The following ST3GAL1 variants were observed in gnomAD, a reference collection of about 807,000 sequenced individuals.
ST3GAL1 encodes the protein ST3 beta-galactoside alpha-2,3-sialyltransferase 1.
In ST3GAL1, 16 loss-of-function variants were observed where a neutral mutation model predicts 34.1. That is an observed-to-expected ratio of 0.47 (90% CI 0.32 to 0.71). The LOEUF is 0.71. ST3GAL1 is among the 30% of genes least tolerant of loss of function. The probability of loss-of-function intolerance (pLI) is 0.04; values close to 1 mark genes in which losing one functional copy is unlikely to be tolerated. For missense variants in ST3GAL1, 353 were observed against 447.4 expected (o/e 0.79, Z 1.90); for synonymous variants, 191 against 184.7 (o/e 1.03, Z -0.28).
Position 133,571,057 on chromosome 8 carries a change from G to A in ST3GAL1, c.-582+636C>T, listed in dbSNP as rs1819552566. Among the ~76,000 whole-genome samples the A allele has an allele frequency of 6.6e-6, 1 of 152,194 alleles. No individual in the cohort carries two copies. The highest frequency in any genetic ancestry group is 2.4e-5 in the African/African-American group (1 of 41,444). On this transcript the variant is annotated intron_variant, in intron 1 of 9. Transcript: ENST00000522652. This position sits in a 1 kb window ranked among gnomAD's most constrained non-coding sequence, Gnocchi z 6.7. ...GTCCCGGGTGTCAACTTCACCCCCA[G>A]ATCCGGAGCAGCGCGCTCTGACGGC...
At chr8:133,528,009 GAA>G (rs34406789) in intron 2 of ST3GAL1, among the ~76,000 whole-genome samples, 3,944 of 140,320 alleles carry the variant, frequency 0.028, 163 homozygotes, top group East Asian at 0.21. Flanking sequence ...CATCTCTACT[GAA>G]AAAAAAAAAA....
intron 5 of ST3GAL1, among the ~76,000 whole-genome samples, chr8:133,472,691 AT>A (rs1816014313): frequency 6.6e-6 from 1 of 152,110 alleles, no homozygotes; most frequent in Admixed American, 6.5e-5. Context: ...CTTTCTGTTG[AT>A]TTCCAGAGGG....
intron 2 of ST3GAL1, among the ~76,000 whole-genome samples, chr8:133,502,530 G>C (rs944838334): frequency 6.6e-6 from 1 of 152,042 alleles, no homozygotes; most frequent in African/African-American, 2.4e-5. Flanking sequence ...CAGAAAGAGA[G>C]CCCTCATCAG....
intron 1 of ST3GAL1, among the ~76,000 whole-genome samples, chr8:133,566,636 G>A (rs987536106): frequency 6.6e-6 from 1 of 152,142 alleles, no homozygotes; most frequent in African/African-American, 2.4e-5. Context: ...GCGTCCCCCT[G>A]AAAACCTGGG....
rs919533034 is a variant in ST3GAL1 at position 133,469,008 on chromosome 8, C to T, written c.307-2918G>A. 1.1e-4 allele frequency among the ~76,000 whole-genome samples: 16 copies of T among 152,152 alleles called. No homozygotes were observed. The highest frequency in any genetic ancestry group is 3.9e-4 in the African/African-American group (16 of 41,414). Reference sequence around the variant, plus strand: ...TCACGCCGCTACTTTGATTTGGGAGCCTGGCACCGTGTATCCATCATGCAG... The same window carrying T: ...TCACGCCGCTACTTTGATTTGGGAGTCTGGCACCGTGTATCCATCATGCAG... On this transcript the variant is annotated intron_variant, in intron 5 of 9. Coordinates refer to ENST00000522652, the MANE Select transcript of ST3GAL1 (RefSeq NM_173344.3). This position sits in a 1 kb window ranked among gnomAD's most constrained non-coding sequence, Gnocchi z 4.3.
At chr8:133,545,474 T>A (rs1349846922) in intron 2 of ST3GAL1, among the ~76,000 whole-genome samples, 2 of 152,236 alleles carry the variant, frequency 1.3e-5, no homozygotes, top group Admixed American at 1.3e-4. Context: ...CATCAAAAGA[T>A]GTTCTGAATC....
At chr8:133,491,933 T>C (rs988811097) in intron 3 of ST3GAL1, among the ~76,000 whole-genome samples, 1 of 151,862 alleles carries the variant, frequency 6.6e-6, no homozygotes, top group African/African-American at 2.4e-5. Context: ...GGCCCAGCAG[T>C]CAGGAAAGGA....
At chr8:133,481,409 T>G (rs1425375859) in intron 3 of ST3GAL1, among the ~76,000 whole-genome samples, 1 of 152,220 alleles carries the variant, frequency 6.6e-6, no homozygotes, top group African/African-American at 2.4e-5. Context: ...AATTTCTGTC[T>G]CCCCTGTACT....
chr8:133,553,997 T>C (rs1380153442), intron 1 of ST3GAL1, among the ~76,000 whole-genome samples: 1 of 152,050 alleles, frequency 6.6e-6, no homozygotes, highest in Non-Finnish European at 1.5e-5. Context: ...CCTTATTGCT[T>C]CTGCAGACTC....
intron 1 of ST3GAL1, among the ~76,000 whole-genome samples, chr8:133,558,256 C>T (rs2131101950): frequency 6.6e-6 from 1 of 152,312 alleles, no homozygotes; most frequent in South Asian, 2.1e-4. Flanking sequence ...GTTGCCACAG[C>T]ATATCTTTAA....
chr8:133,542,779 C>CAAAAAAAA (rs35321251), intron 2 of ST3GAL1, among the ~76,000 whole-genome samples: 5 of 85,516 alleles, frequency 5.8e-5, no homozygotes, highest in East Asian at 3.1e-4. Flanking sequence ...TCCTCCATCT[C>CAAAAAAAA]AAAAAAAAAA....
At chr8:133,555,090 G>C (rs963619156) in intron 1 of ST3GAL1, among the ~76,000 whole-genome samples, 1 of 152,078 alleles carries the variant, frequency 6.6e-6, no homozygotes, top group Non-Finnish European at 1.5e-5. Flanking sequence ...GGGATTTCCC[G>C]GCTGGTGTCT....
At chr8:133,493,395 C>T (rs893137945) in intron 3 of ST3GAL1, among the ~76,000 whole-genome samples, 5 of 152,156 alleles carry the variant, frequency 3.3e-5, no homozygotes, top group South Asian at 2.1e-4. Flanking sequence ...GGCTAGAGAC[C>T]GCCATCTGAA....
At position 133,464,962 on chromosome 8, in the gene ST3GAL1, G is replaced by A. The variant is rs1815677789; in HGVS notation, c.504-5C>T. On this transcript the variant is annotated splice_polypyrimidine_tract_variant and splice_region_variant and intron_variant, in intron 6 of 9. Transcript: ENST00000522652. ...GCCGTGGGCGCCTTGTTCATCCTGG[G>A]AGAGAAGGGGAGAAAGCTGAGTCTT... The A allele has an allele frequency of 1.2e-6, 2 of 1,610,918 alleles. No individual in the cohort carries two copies. Among genetic ancestry groups the A allele is most frequent in the Non-Finnish European group, 1.7e-6 (2 of 1,177,872 alleles).
chr8:133,484,322 T>G (rs180861658), intron 3 of ST3GAL1, among the ~76,000 whole-genome samples: 2 of 152,338 alleles, frequency 1.3e-5, no homozygotes, highest in East Asian at 3.9e-4. Flanking sequence ...AGTGCATAAA[T>G]GCTTCACATT....
Position 133,508,977 on chromosome 8 carries a change from C to G in ST3GAL1, c.-428-9788G>C, listed in dbSNP as rs1200844306. ...CCAGGAAGCTCCTGTCTTCTGCCAG[C>G]ATCTGTCAGCAGGCTAATTTGTCAG... On this transcript the variant is annotated intron_variant, in intron 2 of 9. Coordinates refer to ENST00000522652, the MANE Select transcript of ST3GAL1 (RefSeq NM_173344.3). This position sits in a 1 kb window ranked among gnomAD's most constrained non-coding sequence, Gnocchi z 4.1. Among the ~76,000 whole-genome samples, 5 of 152,128 alleles carry G rather than the reference C, an allele frequency of 3.3e-5. No individual in the cohort carries two copies. The highest frequency in any genetic ancestry group is 1.2e-4 in the African/African-American group (5 of 41,440).
At chr8:133,548,213 A>G (rs1462790450) in intron 1 of ST3GAL1, among the ~76,000 whole-genome samples, 2 of 152,196 alleles carry the variant, frequency 1.3e-5, no homozygotes, top group African/African-American at 4.8e-5. Context: ...GTCTTAAAAT[A>G]GCCATCGCCT....
At position 133,570,353 on chromosome 8, in the gene ST3GAL1, C is replaced by T. The variant is rs1306653075; in HGVS notation, c.-582+1340G>A. The stretch of plus-strand genomic sequence containing the variant: ...CAGGGACGCGGCGAGCCAGTCACTG[C>T]CCTCAGGGTCACGGCTGACTCCCTC... On this transcript the variant is annotated intron_variant, in intron 1 of 9. Transcript: ENST00000522652. This position sits in a 1 kb window ranked among gnomAD's most constrained non-coding sequence, Gnocchi z 5.6. 6.6e-6 allele frequency: 1 copy of T among 152,294 alleles called. No homozygotes were observed. The highest frequency in any genetic ancestry group is 1.5e-5 in the Non-Finnish European group (1 of 68,088). The allele number at this position is 152,294 out of a possible 1,614,324, so 9.4% of individuals were successfully genotyped here.
intron 2 of ST3GAL1, among the ~76,000 whole-genome samples, chr8:133,537,789 C>T (rs572530703): frequency 3.4e-4 from 52 of 152,232 alleles, no homozygotes; most frequent in Non-Finnish European, 5.9e-4. Flanking sequence ...CATCTGGAAT[C>T]TTGTTCCTAC....
Sources: allele counts gnomAD v4.1 joint callset (sites outside exome capture counted in the v4.1 genomes callset), GRCh38; gene constraint gnomAD v4.1.1; non-coding constraint Gnocchi (gnomAD v3.1); transcripts MANE v1.5; gene names NCBI Gene and HGNC (gene_info 2026-07-23, HGNC 2026-07-21).